ERBB2: variants seen among roughly 807,000 people sequenced by gnomAD.
ERBB2 encodes receptor tyrosine-protein kinase erbB-2.
In ERBB2, 61 loss-of-function variants were observed where a neutral mutation model predicts 149.0. The observed-to-expected ratio is 0.41, with a 90% CI of 0.33 to 0.51. The LOEUF is 0.51. Among genes scored for constraint, ERBB2 ranks in the 20% least tolerant of loss-of-function variants. The pLI, the probability that ERBB2 is intolerant of heterozygous loss-of-function variation, is 0.25. For missense variants in ERBB2, 1,205 were observed against 1,655.1 expected (o/e 0.73, Z 4.72); for synonymous variants, 633 against 678.8 (o/e 0.93, Z 1.05).
chr17:39,720,937 C>T lies in ERBB2; in HGVS notation c.1946+1103C>T, dbSNP rs530457230. Reference sequence around the variant, plus strand: ...TGCTGGGATTACAGACATGAGCCACCGTGCCCAGCCAGATACGCTATCTTT... The same window carrying T: ...TGCTGGGATTACAGACATGAGCCACTGTGCCCAGCCAGATACGCTATCTTT... On this transcript the variant is annotated intron_variant, in intron 16 of 26. Coordinates refer to ENST00000269571, the MANE Select transcript of ERBB2 (RefSeq NM_004448.4). Among the ~76,000 whole-genome samples, 44 of 152,234 alleles carry T rather than the reference C, an allele frequency of 2.9e-4. No homozygotes were observed. The South Asian group carries it at 7.3e-3, about 25-fold the overall frequency.
chr17:39,702,333 C>T (rs1383903194), intron 1 of ERBB2, among the ~76,000 whole-genome samples: 1 of 152,128 alleles, frequency 6.6e-6, no homozygotes, highest in Non-Finnish European at 1.5e-5. Flanking sequence ...GCCTCCAGCA[C>T]CCAGATTTTA....
At chr17:39,721,897 CTTTTAT>C (rs1220909212) in intron 16 of ERBB2, among the ~76,000 whole-genome samples, 1 of 152,010 alleles carries the variant, frequency 6.6e-6, no homozygotes, top group African/African-American at 2.4e-5. Context: ...CTGTTTTTCA[CTTTTAT>C]TTTTATTTAT....
chr17:39,707,316 T>C (rs2058502264), intron 2 of ERBB2, 175 bp downstream of exon 2: 2 of 550,788 alleles, frequency 3.6e-6, no homozygotes, highest in Admixed American at 4.1e-5. Context: ...GCAGAATCAG[T>C]TGACTCTCTC....
exon 1 of ERBB2, chr17:39,688,198 T>G (rs1355087322): frequency 4.2e-6 from 2 of 470,762 alleles, no homozygotes; most frequent in Non-Finnish European, 6.9e-6. Context: ...TGTCCATATA[T>G]CGAGGCGATA....
chr17:39,709,626 C>G (rs1303055805), intron 4 of ERBB2, among the ~76,000 whole-genome samples, 174 bp downstream of exon 4: 1 of 152,226 alleles, frequency 6.6e-6, no homozygotes, highest in African/African-American at 2.4e-5. Context: ...CTGGGGTTCT[C>G]TGTCTTGTCT....
At chr17:39,694,226 AATATATATATATATATAT>A (rs1417710622), upstream of ERBB2, among the ~76,000 whole-genome samples, 72 of 18,516 alleles carry the variant, frequency 3.9e-3, 1 homozygote, top group African/African-American at 0.012. Flanking sequence ...AAAAAAAAAA[AATATATATATATATATAT>A]ATATATATAT....
intron 9 of ERBB2, among the ~76,000 whole-genome samples, chr17:39,714,120 A>C (rs2058977618): frequency 6.6e-6 from 1 of 151,262 alleles, no homozygotes; most frequent in African/African-American, 2.4e-5. Flanking sequence ...CCCTTTCCAG[A>C]GGGGGCCATG....
At chr17:39,700,883 G>GA (rs2058066893) in intron 1 of ERBB2, among the ~76,000 whole-genome samples, 1 of 152,054 alleles carries the variant, frequency 6.6e-6, no homozygotes, top group Non-Finnish European at 1.5e-5. Context: ...AGCCGGGGAG[G>GA]AAAGGGTGGC....
upstream of ERBB2, among the ~76,000 whole-genome samples, chr17:39,691,546 T>TAAAAAAAA (rs557885708): frequency 9.2e-6 from 1 of 108,508 alleles, no homozygotes; most frequent in African/African-American, 5.0e-5. Flanking sequence ...CCATCTACAT[T>TAAAAAAAA]AAAAAAAAAA....
upstream of ERBB2, among the ~76,000 whole-genome samples, chr17:39,692,834 C>T (rs566083038): frequency 4.6e-5 from 7 of 151,956 alleles, no homozygotes; most frequent in East Asian, 3.9e-4. Context: ...CCGAGGCCGG[C>T]GGCAGATCAC....
intron 2 of ERBB2, chr17:39,708,112 C>CA (rs2058563775): frequency 2.0e-6 from 1 of 497,466 alleles, no homozygotes; most frequent in South Asian, 3.6e-5. Context: ...AATGCCCCCC[C>CA]ACCATTATCT....
upstream of ERBB2, among the ~76,000 whole-genome samples, chr17:39,691,772 T>C (rs1039114324): frequency 2.7e-5 from 4 of 148,754 alleles, no homozygotes; most frequent in Non-Finnish European, 5.9e-5. Flanking sequence ...GAATGAATTA[T>C]ATTAATGGAG....
At chr17:39,716,192 C>G in intron 12 of ERBB2, 109 bp from the exon 13 acceptor site, 1 of 1,265,408 alleles carries the variant, frequency 7.9e-7, no homozygotes, top group East Asian at 2.5e-5. Flanking sequence ...TCGGCCCCAC[C>G]TGTCCCCACC....
upstream of ERBB2, among the ~76,000 whole-genome samples, chr17:39,692,688 A>G (rs1307670024): frequency 6.6e-6 from 1 of 152,064 alleles, no homozygotes; most frequent in Non-Finnish European, 1.5e-5. Context: ...TACAGGCGTG[A>G]GCCACCGTGC....
At chr17:39,717,510 G>C (rs2145714823) in intron 15 of ERBB2, 30 bp downstream of exon 15, 1 of 1,571,836 alleles carries the variant, frequency 6.4e-7, no homozygotes, top group Non-Finnish European at 8.7e-7. Flanking sequence ...CTGCAGAAAG[G>C]AGGACTTTCC....
chr17:39,696,066 C>A (rs1029695424), upstream of ERBB2, among the ~76,000 whole-genome samples: 6 of 152,124 alleles, frequency 3.9e-5, no homozygotes, highest in Admixed American at 3.3e-4. Flanking sequence ...CCTGAGGGTC[C>A]CCCTCGCTGT....
chr17:39,716,221 G>GCCCACAGCCATT, intron 12 of ERBB2, 80 bp from the exon 13 acceptor site: 1 of 1,459,430 alleles, frequency 6.9e-7, no homozygotes, highest in Non-Finnish European at 9.1e-7. Context: ...CCACAGCCAT[G>GCCCACAGCCATT]CCCACAGCCA....
At position 39,716,333 on chromosome 17, in the gene ERBB2, G is replaced by A. The variant is rs371623072; in HGVS notation, c.1546G>A (p.Ala516Thr). 6.7e-5 allele frequency: 108 copies of A among 1,603,360 alleles called. No homozygotes were observed. Among genetic ancestry groups the A allele is most frequent in the Middle Eastern group, 3.7e-4 (2 of 5,410 alleles). The change falls in exon 13 of 27, where the codon GCC (alanine) becomes ACC (threonine). Residue 516 changes from alanine (A) to threonine (T), a missense_variant. Physicochemically the swap from Ala to Thr is moderately conservative, Grantham distance 58. Coordinates refer to ENST00000269571, the MANE Select transcript of ERBB2 (RefSeq NM_004448.4). ...GEGLACHQLCARGHCWGPGPT... is the reference protein window; with the variant it reads ...GEGLACHQLCTRGHCWGPGPT... ...GGGCCTGGCCTGCCACCAGCTGTGC[G>A]CCCGAGGGCACTGCTGGGGTCCAGG...
upstream of ERBB2, among the ~76,000 whole-genome samples, chr17:39,692,685 G>A (rs551640346): frequency 1.3e-5 from 2 of 152,218 alleles, no homozygotes; most frequent in East Asian, 3.9e-4. Context: ...GATTACAGGC[G>A]TGAGCCACCG....
Sources: allele counts gnomAD v4.1 joint callset (sites outside exome capture counted in the v4.1 genomes callset), GRCh38; gene constraint gnomAD v4.1.1; transcripts MANE v1.5; gene names NCBI Gene and HGNC (gene_info 2026-07-23, HGNC 2026-07-21).